The following DAZAP1 variants were observed in gnomAD, a reference collection of about 807,000 sequenced individuals.
DAZAP1 encodes the protein DAZ-associated protein 1.
DAZAP1 carries 6 observed loss-of-function variants against 60.1 expected under a neutral mutation model. The observed-to-expected ratio is 0.10, with a 90% CI of 0.05 to 0.20. DAZAP1 has a LOEUF of 0.20. Among genes scored for constraint, DAZAP1 ranks in the 10% least tolerant of loss-of-function variants. The pLI is 1.00. For missense variants in DAZAP1, 366 were observed against 560.4 expected, an observed-to-expected ratio of 0.65 and a Z score of 3.50; for synonymous variants, 235 against 215.9, an observed-to-expected ratio of 1.09 and a Z score of -0.78.
rs775285707 is a variant in DAZAP1 at position 1,434,438 on chromosome 19, TC to T, written c.1049-298del. ...AGCCCCGAGGCTTCTCTACCTCCCC[TC>T]ACCCCCCCAACCACGTCTTCGGGAT... On this transcript the variant is annotated intron_variant, in intron 11 of 11. Coordinates refer to ENST00000233078, the MANE Select transcript of DAZAP1 (RefSeq NM_018959.4). The surrounding 1 kb of genome is among the most constrained non-coding windows in gnomAD (Gnocchi z 8.0). 1 of 353,836 alleles carries T rather than the reference TC, an allele frequency of 2.8e-6. No homozygotes were observed. Among genetic ancestry groups the T allele is most frequent in the Non-Finnish European group, 5.2e-6 (1 of 192,166 alleles). 21.9% of individuals were successfully genotyped at this position (353,836 alleles called of 1,614,324 possible).
At chr19:1,410,028 C>G (rs1313020510) in intron 1 of DAZAP1, 2 of 152,414 alleles carry the variant, frequency 1.3e-5, no homozygotes, top group African/African-American at 2.4e-5. Context: ...GCCCCCTGTT[C>G]TGGGACACTT....
intron 1 of DAZAP1, among the ~76,000 whole-genome samples, chr19:1,412,110 G>A (rs1018386162): frequency 3.2e-4 from 49 of 152,324 alleles, no homozygotes; most frequent in African/African-American, 1.2e-3. Context: ...TTAGCACCCA[G>A]GATGTGGGCA....
Position 1,435,224 on chromosome 19 carries a change from C to G in DAZAP1, c.*312C>G, listed in dbSNP as rs961786838. ...TTTTTTGGAAATTATTTTCCTGAGC[C>G]TTTTGTTTTACGGTATATTGTAAAC... On this transcript the variant is annotated 3_prime_UTR_variant, in exon 12 of 12. Coordinates refer to ENST00000233078, the MANE Select transcript of DAZAP1 (RefSeq NM_018959.4). The G allele has an allele frequency of 2.2e-5, 4 of 181,422 alleles. No individual in the cohort carries two copies. The highest frequency in any genetic ancestry group is 4.1e-3 in the Middle Eastern group (2 of 488). The allele number at this position is 181,422 out of a possible 1,614,324, so 11.2% of individuals were successfully genotyped here. A position where few individuals can be genotyped will look rare whatever the true frequency, so the allele number is the denominator to read the frequency against.
At chr19:1,424,204 CCCTCGGCCCGCCCGCTCCAGCCGCTG>C (rs1306565174) in intron 6 of DAZAP1, among the ~76,000 whole-genome samples, 13 of 152,104 alleles carry the variant, frequency 8.5e-5, no homozygotes, top group Admixed American at 7.2e-4. Flanking sequence ...CCCACGTCTA[CCCTCGGCCCGCCCGCTCCAGCCGCTG>C]CCTCGTTCGC....
At position 1,434,711 on chromosome 19, in the gene DAZAP1, C is replaced by T. The variant is rs369211012; in HGVS notation, c.1049-26C>T. 527 of 1,608,000 alleles carry T rather than the reference C, an allele frequency of 3.3e-4. No homozygotes were observed. In the African/African-American group the frequency reaches 4.3e-3, roughly 13 times the overall value. ...AGTGCCAACCGCCCAGGGACCGCCC[C>T]GAGCTCACAGGACTTTCTCCCCCAG... On this transcript the variant is annotated intron_variant, in intron 11 of 11. Coordinates refer to ENST00000233078, the MANE Select transcript of DAZAP1 (RefSeq NM_018959.4). This position sits in a 1 kb window ranked among gnomAD's most constrained non-coding sequence, Gnocchi z 8.0.
chr19:1,413,226 A>G (rs999950207), intron 1 of DAZAP1, among the ~76,000 whole-genome samples: 1 of 152,230 alleles, frequency 6.6e-6, no homozygotes, highest in African/African-American at 2.4e-5. Flanking sequence ...GAGAGCCAGC[A>G]GCTCCTCCTT....
At chr19:1,417,419 A>G in intron 1 of DAZAP1, 81 bp from the exon 2 acceptor site, 1 of 1,485,568 alleles carries the variant, frequency 6.7e-7, no homozygotes, top group Non-Finnish European at 9.2e-7. Context: ...GGTTTGAATT[A>G]AGACCTCAGC....
chr19:1,433,566 C>CCTTG lies in DAZAP1; in HGVS notation c.1048+877_1048+880dup. ...TGGTTCCCCTGCCCCCACGCCCAGG[C>CCTTG]CTTGGGCCGAGGTTGCCGCATGTGT... On this transcript the variant is annotated intron_variant, in intron 11 of 11. Coordinates refer to ENST00000233078, the MANE Select transcript of DAZAP1 (RefSeq NM_018959.4). This position sits in a 1 kb window ranked among gnomAD's most constrained non-coding sequence, Gnocchi z 6.1. The CCTTG allele has an allele frequency of 1.7e-6, 1 of 594,614 alleles. No individual in the cohort carries two copies. 36.8% of individuals were successfully genotyped at this position (594,614 alleles called of 1,614,324 possible).
rs745368158 is a variant in DAZAP1 at position 1,425,986 on chromosome 19, C to T, written c.546+26C>T. 1 of 1,529,030 alleles carries T rather than the reference C, an allele frequency of 6.5e-7. No individual in the cohort carries two copies. Among genetic ancestry groups the T allele is most frequent in the South Asian group, 1.1e-5 (1 of 89,328 alleles). The allele number at this position is 1,529,030 out of a possible 1,614,324, so 94.7% of individuals were successfully genotyped here. ...GTGTGTAGTTGTAGTTTTATTTTAC[C>T]TTAAGACCAAACCAAGTCTTAGGCA... On this transcript the variant is annotated intron_variant, in intron 7 of 11. Coordinates refer to ENST00000233078, the MANE Select transcript of DAZAP1 (RefSeq NM_018959.4). The surrounding 1 kb of genome is among the most constrained non-coding windows in gnomAD (Gnocchi z 5.4).
In DAZAP1 at chr19:1,426,887, C is replaced by T. The variant is rs1190816217; in HGVS notation, c.546+927C>T. 1 of 152,188 alleles carries T rather than the reference C, an allele frequency of 6.6e-6. No homozygotes were observed. Among genetic ancestry groups the T allele is most frequent in the Non-Finnish European group, 1.5e-5 (1 of 68,044 alleles). 9.4% of individuals were successfully genotyped at this position (152,188 alleles called of 1,614,324 possible). ...CCGTTAACGGAAGAAGACGCTTAGC[C>T]CCTCTGACAGGGCCATGGTTGTTTT... On this transcript the variant is annotated intron_variant, in intron 7 of 11. Coordinates refer to ENST00000233078, the MANE Select transcript of DAZAP1 (RefSeq NM_018959.4). The surrounding 1 kb of genome is among the most constrained non-coding windows in gnomAD (Gnocchi z 5.4).
In DAZAP1 at chr19:1,422,209, T is replaced by C; in HGVS notation, c.415-139T>C. On this transcript the variant is annotated intron_variant, in intron 5 of 11. Coordinates refer to ENST00000233078, the MANE Select transcript of DAZAP1 (RefSeq NM_018959.4). The surrounding 1 kb of genome is among the most constrained non-coding windows in gnomAD (Gnocchi z 4.5). Reference sequence around the variant, plus strand: ...TCAGACAGCAGCCCCACGGAGCAGCTGTTGCCCGTGCACCTCCCCCGCTCA... The same window carrying C: ...TCAGACAGCAGCCCCACGGAGCAGCCGTTGCCCGTGCACCTCCCCCGCTCA... 1.4e-6 allele frequency: 1 copy of C among 716,174 alleles called. No homozygotes were observed. The highest frequency in any genetic ancestry group is 2.1e-5 in the Admixed American group (1 of 46,698). The allele number at this position is 716,174 out of a possible 1,614,324, so 44.4% of individuals were successfully genotyped here.
rs950969796 is a variant in DAZAP1 at position 1,418,458 on chromosome 19, T to G, written c.237+88T>G. 3.9e-6 allele frequency: 6 copies of G among 1,532,272 alleles called. No homozygotes were observed. The highest frequency in any genetic ancestry group is 5.4e-6 in the Non-Finnish European group (6 of 1,115,044). 94.9% of individuals were successfully genotyped at this position (1,532,272 alleles called of 1,614,324 possible). A position where few individuals can be genotyped will look rare whatever the true frequency, so the allele number is the denominator to read the frequency against. On this transcript the variant is annotated intron_variant, in intron 3 of 11. Transcript: ENST00000233078. This position sits in a 1 kb window ranked among gnomAD's most constrained non-coding sequence, Gnocchi z 5.7. ...TTTTTCCTGGACTCTGACCGATGTT[T>G]GCGTTAGAGTATGTTTGAACGTGGG...
In DAZAP1 at chr19:1,434,924, G is replaced by A. The variant is rs1206185526; in HGVS notation, c.*12G>A. On this transcript the variant is annotated 3_prime_UTR_variant, in exon 12 of 12. Transcript: ENST00000233078. This position sits in a 1 kb window ranked among gnomAD's most constrained non-coding sequence, Gnocchi z 8.0. ...CCTACCGACGCTAGCCCGCGGCGCC[G>A]CGACGTCTGCACGGCCCAGACCCAG... The A allele has an allele frequency of 1.0e-5, 14 of 1,402,516 alleles. No homozygotes were observed. In the South Asian group the frequency reaches 1.3e-4, roughly 13 times the overall value. The allele number at this position is 1,402,516 out of a possible 1,614,324, so 86.9% of individuals were successfully genotyped here.
chr19:1,435,221 A>C lies in DAZAP1; in HGVS notation c.*309A>C, dbSNP rs2083569215. 5.4e-6 allele frequency: 1 copy of C among 184,744 alleles called. No homozygotes were observed. The highest frequency in any genetic ancestry group is 6.0e-5 in the Admixed American group (1 of 16,634). The allele number at this position is 184,744 out of a possible 1,614,324, so 11.4% of individuals were successfully genotyped here. On this transcript the variant is annotated 3_prime_UTR_variant, in exon 12 of 12. Coordinates refer to ENST00000233078, the MANE Select transcript of DAZAP1 (RefSeq NM_018959.4). Reference sequence around the variant, plus strand: ...CTTTTTTTTGGAAATTATTTTCCTGAGCCTTTTGTTTTACGGTATATTGTA... The same window carrying C: ...CTTTTTTTTGGAAATTATTTTCCTGCGCCTTTTGTTTTACGGTATATTGTA...
intron 5 of DAZAP1, among the ~76,000 whole-genome samples, chr19:1,421,961 G>C (rs2083169427): frequency 6.6e-6 from 1 of 152,334 alleles, no homozygotes; most frequent in African/African-American, 2.4e-5. Context: ...GGCCGAGCGT[G>C]CCCTTTGCTT....
intron 1 of DAZAP1, among the ~76,000 whole-genome samples, chr19:1,408,754 G>C (rs532274814): frequency 6.6e-6 from 1 of 152,232 alleles, no homozygotes; most frequent in Non-Finnish European, 1.5e-5. Flanking sequence ...GACCTGCTCC[G>C]GACCCCGCGG....
intron 1 of DAZAP1, among the ~76,000 whole-genome samples, chr19:1,415,389 G>GTGTTT (rs751334899): frequency 1.6e-5 from 2 of 127,578 alleles, no homozygotes; most frequent in African/African-American, 3.0e-5. Context: ...GTGTGTGTGT[G>GTGTTT]TTTTGTTTTT....
chr19:1,429,956 C>T lies in DAZAP1; in HGVS notation c.701-11C>T, dbSNP rs2083402042. 6.4e-7 allele frequency: 1 copy of T among 1,564,684 alleles called. No homozygotes were observed. The highest frequency in any genetic ancestry group is 8.7e-7 in the Non-Finnish European group (1 of 1,153,488). On this transcript the variant is annotated splice_polypyrimidine_tract_variant and intron_variant, in intron 8 of 11. Transcript: ENST00000233078. ...CACGGCGCCAACCTCCTCTTCTGTTCTCTTATCTAGGAATGTGGGTGCCGG... is the reference window on the plus strand; with the variant it reads ...CACGGCGCCAACCTCCTCTTCTGTTTTCTTATCTAGGAATGTGGGTGCCGG...
Position 1,433,659 on chromosome 19 carries a change from G to A in DAZAP1, c.1048+969G>A, listed in dbSNP as rs186610247. On this transcript the variant is annotated intron_variant, in intron 11 of 11. Coordinates refer to ENST00000233078, the MANE Select transcript of DAZAP1 (RefSeq NM_018959.4). The surrounding 1 kb of genome is among the most constrained non-coding windows in gnomAD (Gnocchi z 6.1). Reference sequence around the variant, plus strand: ...ACTGGCAGGGGGGTGTGAGGCGCCCGGTTGGGGCGTGGCGTGTGTCAGCCG... The same window carrying A: ...ACTGGCAGGGGGGTGTGAGGCGCCCAGTTGGGGCGTGGCGTGTGTCAGCCG... The A allele has an allele frequency of 3.9e-4, 474 of 1,212,406 alleles. 1 individual carries two copies. The African/African-American group carries it at 6.2e-3, about 16-fold the overall frequency. 75.1% of individuals were successfully genotyped at this position (1,212,406 alleles called of 1,614,324 possible).
Sources: gnomAD v4.1 joint callset for allele counts (sites outside exome capture counted in the v4.1 genomes callset) on GRCh38, gnomAD v4.1.1 for gene constraint, Gnocchi (gnomAD v3.1) non-coding constraint, MANE v1.5 for transcripts, NCBI Gene and HGNC (gene_info 2026-07-23, HGNC 2026-07-21) for gene names.